The following BDP1 variants were observed in gnomAD, a reference collection of about 807,000 sequenced individuals.
The protein encoded by BDP1 is BDP1 general transcription factor IIIB subunit.
In BDP1, 169 loss-of-function variants were observed where a neutral mutation model predicts 266.6. The ratio of observed to expected loss-of-function variants is 0.63; its 90% CI spans 0.56 to 0.72. The LOEUF is 0.72. Among genes scored for constraint, BDP1 ranks in the 30% least tolerant of loss-of-function variants. The probability of loss-of-function intolerance (pLI) is 0.00; values close to 1 mark genes in which losing one functional copy is unlikely to be tolerated. For synonymous variants in BDP1, 1,090 were observed against 1,022.4 expected (o/e 1.07, Z -1.26); for missense variants, 3,015 against 3,053.8 (o/e 0.99, Z 0.30).
intron 8 of BDP1, among the ~76,000 whole-genome samples, chr5:71,484,435 C>G (rs1218600164): frequency 1.3e-5 from 2 of 151,974 alleles, no homozygotes; most frequent in Non-Finnish European, 2.9e-5. Context: ...GGTAGTGATT[C>G]ATTTCCAAAA....
intron 33 of BDP1, 32 bp downstream of exon 33, chr5:71,548,777 G>T (rs763282455): frequency 1.4e-6 from 2 of 1,412,036 alleles, no homozygotes; most frequent in East Asian, 2.3e-5. Context: ...ACATGTCATA[G>T]AACTTAGTTG....
chr5:71,569,539 G>C (rs1744196517), downstream of BDP1, among the ~76,000 whole-genome samples: 1 of 152,098 alleles, frequency 6.6e-6, no homozygotes, highest in Admixed American at 6.6e-5. Context: ...TTGAGCCCAG[G>C]AGTTTGAGAC....
intron 6 of BDP1, among the ~76,000 whole-genome samples, chr5:71,467,700 C>G (rs1454370656): frequency 1.3e-5 from 2 of 152,112 alleles, no homozygotes; most frequent in East Asian, 3.9e-4. Flanking sequence ...TTTATAGCAA[C>G]TGGGTCTCAG....
Position 71,510,117 on chromosome 5 carries a change from G to C in BDP1, c.3025G>C (p.Glu1009Gln). The C allele has an allele frequency of 6.2e-7, 1 of 1,613,930 alleles. No homozygotes were observed. Among genetic ancestry groups the C allele is most frequent in the East Asian group, 2.2e-5 (1 of 44,828 alleles). Residue 1009 changes from glutamate to glutamine, a missense_variant, in exon 17 of 39, where the codon GAG becomes CAG. Transcript: ENST00000358731. ...GGAGGTCAAGCCTGTAGATGAAATGGAGACAGATTTGAACGCAACTGGAAG... is the reference window on the plus strand; with the variant it reads ...GGAGGTCAAGCCTGTAGATGAAATGCAGACAGATTTGAACGCAACTGGAAG... ...PEEVKPVDEMETDLNATGRES... is the reference protein window; with the variant it reads ...PEEVKPVDEMQTDLNATGRES...
At chr5:71,526,615 CAAAAAAAAAAAA>C (rs752124588) in intron 25 of BDP1, among the ~76,000 whole-genome samples, 4 of 49,862 alleles carry the variant, frequency 8.0e-5, no homozygotes, top group Non-Finnish European at 1.4e-4. Flanking sequence ...GACTCTATCT[CAAAAAAAAAAAA>C]AAAAAAAAAG....
At chr5:71,527,415 A>G (rs2150524678) in intron 25 of BDP1, among the ~76,000 whole-genome samples, 1 of 152,238 alleles carries the variant, frequency 6.6e-6, no homozygotes, top group Non-Finnish European at 1.5e-5. Context: ...TATACCCATT[A>G]AACAGTAACT....
chr5:71,497,308 G>A lies in BDP1; in HGVS notation c.1838G>A (p.Arg613Lys). Residue 613 changes from arginine (R) to lysine (K), a missense_variant, in exon 13 of 39, where the codon AGA becomes AAA. Physicochemically the swap from Arg to Lys is conservative, Grantham distance 26. This residue lies in a region of BDP1 where 2,383 missense variants were observed against 2,404.9 expected (regional missense o/e 0.99). Coordinates refer to ENST00000358731, the MANE Select transcript of BDP1 (RefSeq NM_018429.3). Reference protein sequence around the residue: ...DQTENVKPMLRGRFQRPKPNL... With the variant: ...DQTENVKPMLKGRFQRPKPNL... ...ACAGAAAATGTTAAACCAATGTTGA[G>A]AGGTCGCTTCCAAAGACCTAAACCC... 1 of 1,613,872 alleles carries A rather than the reference G, an allele frequency of 6.2e-7. No homozygotes were observed. The highest frequency in any genetic ancestry group is 1.7e-5 in the Admixed American group (1 of 60,018).
At chr5:71,550,436 G>C (rs1218325800) in intron 34 of BDP1, among the ~76,000 whole-genome samples, 2 of 149,572 alleles carry the variant, frequency 1.3e-5, no homozygotes, top group African/African-American at 4.9e-5. Flanking sequence ...CTACAGGTGC[G>C]CACCACTGTG....
Position 71,455,902 on chromosome 5 carries a change from G to C in BDP1, c.25G>C (p.Val9Leu). The C allele has an allele frequency of 6.2e-7, 1 of 1,602,068 alleles. No homozygotes were observed. Among genetic ancestry groups the C allele is most frequent in the South Asian group, 1.1e-5 (1 of 89,592 alleles). The change falls in exon 1 of 39, where the codon GTG (valine) becomes CTG (leucine). Residue 9 changes from valine to leucine, a missense_variant. By Grantham distance (32) the Val-to-Leu change is conservative. This residue lies in a region of BDP1 where 2,383 missense variants were observed against 2,404.9 expected (regional missense o/e 0.99). Coordinates refer to ENST00000358731, the MANE Select transcript of BDP1 (RefSeq NM_018429.3). ...CATGTTCCGCAGGGCACGCCTTAGCGTGAAGCCGAATGTCAGGCCTGGTGT... is the reference window on the plus strand; with the variant it reads ...CATGTTCCGCAGGGCACGCCTTAGCCTGAAGCCGAATGTCAGGCCTGGTGT... MFRRARLS[V>L]KPNVRPGVGA...
rs114287457 is a variant in BDP1, at chr5:71,520,726, T to G, written c.4992-1563T>G. On this transcript the variant is annotated intron_variant, in intron 22 of 38. Transcript: ENST00000358731. ...ATGTAGGAATAAATGAAGAAAAAAATGCTGTCACTGTGGAGTTTATATTCT... is the reference window on the plus strand; with the variant it reads ...ATGTAGGAATAAATGAAGAAAAAAAGGCTGTCACTGTGGAGTTTATATTCT... 9.7e-4 allele frequency among the ~76,000 whole-genome samples: 148 copies of G among 152,204 alleles called. 1 individual carries two copies. Among genetic ancestry groups the G allele is most frequent in the Middle Eastern group, 6.8e-3 (2 of 294 alleles).
chr5:71,529,470 C>T (rs1766101940), intron 25 of BDP1, among the ~76,000 whole-genome samples: 2 of 152,086 alleles, frequency 1.3e-5, no homozygotes, highest in African/African-American at 4.8e-5. Flanking sequence ...GGCGGAGGAT[C>T]AGTTGAGGGC....
At position 71,524,275 on chromosome 5, in the gene BDP1, C is replaced by G; in HGVS notation, c.5724C>G (p.Leu1908=). 6.2e-7 allele frequency: 1 copy of G among 1,609,270 alleles called. No homozygotes were observed. Among genetic ancestry groups the G allele is most frequent in the Non-Finnish European group, 8.5e-7 (1 of 1,175,770 alleles). The change falls in exon 25 of 39, where the codon CTC becomes CTG. Residue 1908 remains leucine (L), a synonymous_variant. Coordinates refer to ENST00000358731, the MANE Select transcript of BDP1 (RefSeq NM_018429.3). ...NKAPVFVPVG[L]RSPEPVSAQI... ...CTCCAGTATTTGTACCTGTTGGTCT[C>G]AGATCTCCTGAACCTGTTTCTGCTC...
intron 7 of BDP1, among the ~76,000 whole-genome samples, chr5:71,480,570 ATTT>A (rs146351408): frequency 2.9e-5 from 4 of 138,378 alleles, no homozygotes; most frequent in Admixed American, 7.2e-5. Flanking sequence ...GTGCCCGGCC[ATTT>A]TTTTTTTTTT....
At position 71,489,445 on chromosome 5, in the gene BDP1, G is replaced by A. The variant is rs1174629447; in HGVS notation, c.1255G>A (p.Glu419Lys). Residue 419 changes from glutamate to lysine, a missense_variant, in exon 10 of 39, where the codon GAG becomes AAG. Coordinates refer to ENST00000358731, the MANE Select transcript of BDP1 (RefSeq NM_018429.3). ...ACEGVNNDPD[E>K]SMSSRISDTE... is the part of the protein sequence containing the mutation. ...TGAAGGAGTGAATAATGATCCAGATGAGTCTATGAGTTCTAGAATTTCAGA... is the reference window on the plus strand; with the variant it reads ...TGAAGGAGTGAATAATGATCCAGATAAGTCTATGAGTTCTAGAATTTCAGA... 1 of 1,613,464 alleles carries A rather than the reference G, an allele frequency of 6.2e-7. No individual in the cohort carries two copies. The highest frequency in any genetic ancestry group is 8.5e-7 in the Non-Finnish European group (1 of 1,179,836).
chr5:71,468,966 G>C (rs554192304), intron 6 of BDP1, among the ~76,000 whole-genome samples: 1 of 152,094 alleles, frequency 6.6e-6, no homozygotes, highest in Non-Finnish European at 1.5e-5. Context: ...GTATAATAAA[G>C]CTTCTATAGA....
At chr5:71,548,843 T>G in intron 33 of BDP1, 98 bp downstream of exon 33, 2 of 883,962 alleles carry the variant, frequency 2.3e-6, no homozygotes, top group South Asian at 3.1e-5. Flanking sequence ...TGTATTTTAG[T>G]CTATGCTGGC....
At chr5:71,544,222 C>A in intron 30 of BDP1, 135 bp from the exon 31 acceptor site, 2 of 747,190 alleles carry the variant, frequency 2.7e-6, no homozygotes, top group Non-Finnish European at 2.2e-6. Flanking sequence ...TGTGTATAAG[C>A]CTGATTTGTG....
In BDP1 at chr5:71,548,728, A is replaced by T. The variant is rs374413842; in HGVS notation, c.6791A>T (p.Asn2264Ile). The T allele has an allele frequency of 1.2e-6, 2 of 1,603,830 alleles. No homozygotes were observed. Residue 2264 changes from asparagine to isoleucine, a missense_variant, in exon 33 of 39, where the codon AAT becomes ATT. Transcript: ENST00000358731. The part of the protein sequence containing the change: ...IPEVQQENII[N>I]PQDLTVNLVA... ...GAAGTCCAACAAGAGAATATAATCA[A>T]TCCTCAAGACCTAACAGGTATGATA...
At chr5:71,481,198 C>T (rs1000655011) in intron 7 of BDP1, among the ~76,000 whole-genome samples, 1 of 151,660 alleles carries the variant, frequency 6.6e-6, no homozygotes, top group South Asian at 2.1e-4. Flanking sequence ...AAATCACATA[C>T]CAGACATTGT....
Sources: allele counts gnomAD v4.1 joint callset (sites outside exome capture counted in the v4.1 genomes callset), GRCh38; gene constraint gnomAD v4.1.1; regional missense constraint gnomAD v4.1.1; transcripts MANE v1.5; gene names NCBI Gene and HGNC (gene_info 2026-07-23, HGNC 2026-07-21).